Variants in WT1 observed in about 807,000 individuals in gnomAD.
WT1 encodes WT1 transcription factor, also known as Wilms tumor protein.
In WT1, 8 loss-of-function variants were observed where a neutral mutation model predicts 60.8. The observed-to-expected ratio is 0.13, with a 90% CI of 0.08 to 0.24. The LOEUF is 0.24. Among genes scored for constraint, WT1 ranks in the 10% least tolerant of loss-of-function variants. The probability of loss-of-function intolerance (pLI) is 1.00; values close to 1 mark genes in which losing one functional copy is unlikely to be tolerated. For synonymous variants in WT1, 312 were observed against 297.1 expected, an observed-to-expected ratio of 1.05 and a Z score of -0.52; for missense variants, 568 against 711.8, an observed-to-expected ratio of 0.80 and a Z score of 2.30.
chr11:32,429,437 T>C (rs1208143649), intron 1 of WT1, among the ~76,000 whole-genome samples: 2 of 148,570 alleles, frequency 1.3e-5, no homozygotes, highest in African/African-American at 5.0e-5. Context: ...TTTGCCTCAG[T>C]TTCCCCCTAG....
At position 32,435,282 on chromosome 11, in the gene WT1, G is replaced by T; in HGVS notation, c.79C>A (p.Pro27Thr). 6.5e-7 allele frequency: 1 copy of T among 1,534,044 alleles called. No homozygotes were observed. The highest frequency in any genetic ancestry group is 8.7e-7 in the Non-Finnish European group (1 of 1,146,640). The change falls in exon 1 of 10, where the codon CCT becomes ACT. Residue 27 changes from proline to threonine, a missense_variant. Transcript: ENST00000452863. ...TGCTCTGGCTGCTGTAGGCACCCAG[G>T]CCCGGAGCGGAGCGTGTGCTGAGAC...
chr11:32,415,626 G>A (rs1487220765), intron 5 of WT1, among the ~76,000 whole-genome samples: 4 of 152,168 alleles, frequency 2.6e-5, no homozygotes, highest in African/African-American at 9.7e-5. Context: ...CAGCCTGGGC[G>A]ACAAGAGCTA....
chr11:32,405,982 C>A (rs1852297279), intron 5 of WT1, among the ~76,000 whole-genome samples: 1 of 152,162 alleles, frequency 6.6e-6, no homozygotes, highest in South Asian at 2.1e-4. Context: ...CAGCTCTTTT[C>A]TCCAGCGGGA....
At chr11:32,430,693 T>C (rs1261902866) in intron 1 of WT1, 1 of 1,421,460 alleles carries the variant, frequency 7.0e-7, no homozygotes, top group Non-Finnish European at 9.2e-7. Context: ...GGCCCAAGGA[T>C]GCCCGTGGCC....
chr11:32,425,888 T>C (rs1387463731), intron 3 of WT1, among the ~76,000 whole-genome samples: 4 of 152,208 alleles, frequency 2.6e-5, no homozygotes, highest in East Asian at 3.8e-4. Flanking sequence ...AATCAGAAGC[T>C]GGATTAGAAA....
At chr11:32,389,274 A>T (rs1217717190) in intron 9 of WT1, 95 bp from the exon 10 acceptor site, 4 of 1,599,672 alleles carry the variant, frequency 2.5e-6, no homozygotes. Context: ...CAAGGCACCC[A>T]CTCTGAATTT....
At chr11:32,416,435 G>T in intron 5 of WT1, 55 bp downstream of exon 5, 1 of 1,610,406 alleles carries the variant, frequency 6.2e-7, no homozygotes. Context: ...TGCCCCAGGT[G>T]CCAGTCAGCA....
chr11:32,430,577 C>T, intron 1 of WT1: 1 of 1,609,244 alleles, frequency 6.2e-7, no homozygotes, highest in African/African-American at 1.3e-5. Context: ...CAGGGCACTG[C>T]ACAATCCTCA....
At chr11:32,392,540 G>A (rs2132917966) in intron 8 of WT1, 126 bp downstream of exon 8, 3 of 940,828 alleles carry the variant, frequency 3.2e-6, no homozygotes, top group South Asian at 1.4e-5. Flanking sequence ...ATTATGGGGG[G>A]AAAATACTGG....
At chr11:32,432,748 C>A (rs1853355093) in intron 1 of WT1, among the ~76,000 whole-genome samples, 1 of 152,180 alleles carries the variant, frequency 6.6e-6, no homozygotes, top group Non-Finnish European at 1.5e-5. Context: ...AGTCCCACCC[C>A]CCACGACATG....
At chr11:32,398,169 G>A (rs1030423607) in intron 6 of WT1, among the ~76,000 whole-genome samples, 20 of 152,148 alleles carry the variant, frequency 1.3e-4, no homozygotes, top group Non-Finnish European at 5.9e-5. Flanking sequence ...TGGGAGTAGG[G>A]AGCACACTGT....
chr11:32,401,944 G>A (rs1042823584), intron 5 of WT1, among the ~76,000 whole-genome samples: 6 of 152,166 alleles, frequency 3.9e-5, no homozygotes, highest in African/African-American at 1.4e-4. Flanking sequence ...CAGGGGTCCT[G>A]GGCAGGGAGG....
chr11:32,410,513 T>C lies in WT1; in HGVS notation c.1016+5977A>G, dbSNP rs149911732. Among the ~76,000 whole-genome samples the C allele has an allele frequency of 5.9e-3, 899 of 152,314 alleles. 8 individuals are homozygous for C. Among genetic ancestry groups the C allele is most frequent in the African/African-American group, 0.021 (867 of 41,570 alleles). ...TTAGAGGTAACTGCAATTAATAGTC[T>C]GATAAATGTTTCCAGAATTTTTTCT... On this transcript the variant is annotated intron_variant, in intron 5 of 9. Coordinates refer to ENST00000452863, the MANE Select transcript of WT1 (RefSeq NM_024426.6).
At chr11:32,408,537 A>G (rs1046838698) in intron 5 of WT1, among the ~76,000 whole-genome samples, 7 of 145,546 alleles carry the variant, frequency 4.8e-5, no homozygotes, top group Admixed American at 1.4e-4. Flanking sequence ...AAAAAAAAAA[A>G]AAAAAAGAAA....
At chr11:32,399,872 G>GTAAGGAA in intron 6 of WT1, 76 bp downstream of exon 6, 1 of 1,500,246 alleles carries the variant, frequency 6.7e-7, no homozygotes, top group South Asian at 1.2e-5. Flanking sequence ...GAGTCCATCA[G>GTAAGGAA]TAAGGAACTA....
At chr11:32,417,327 T>C (rs1852706685) in intron 4 of WT1, 2 of 512,170 alleles carry the variant, frequency 3.9e-6, no homozygotes, top group African/African-American at 3.8e-5. Context: ...TATAAAACAT[T>C]CAACAAGACC....
intron 5 of WT1, among the ~76,000 whole-genome samples, chr11:32,406,592 T>G (rs1009340655): frequency 6.6e-6 from 1 of 151,478 alleles, no homozygotes; most frequent in Non-Finnish European, 1.5e-5. Context: ...GCTGCTTATG[T>G]GCAACAGAGC....
intron 5 of WT1, among the ~76,000 whole-genome samples, chr11:32,412,741 G>A (rs1463590216): frequency 1.3e-5 from 2 of 151,562 alleles, no homozygotes; most frequent in African/African-American, 2.4e-5. Context: ...CATTTGTTTG[G>A]GGGTGAGGGA....
At chr11:32,414,040 T>C (rs1449351157) in intron 5 of WT1, among the ~76,000 whole-genome samples, 1 of 152,172 alleles carries the variant, frequency 6.6e-6, no homozygotes, top group Non-Finnish European at 1.5e-5. Flanking sequence ...CCCAATACTG[T>C]TTATATACAT....
Sources: gnomAD v4.1 joint callset for allele counts (sites outside exome capture counted in the v4.1 genomes callset) on GRCh38, gnomAD v4.1.1 for gene constraint, MANE v1.5 for transcripts, NCBI Gene and HGNC (gene_info 2026-07-23, HGNC 2026-07-21) for gene names.